The following TECPR1 variants were observed in gnomAD, a reference collection of about 807,000 sequenced individuals.
The protein encoded by TECPR1 is tectonin beta-propeller repeat-containing protein 1.
Under a neutral mutation model 162.4 loss-of-function variants are expected in TECPR1, and 122 were observed. The observed-to-expected ratio is 0.75, with a 90% CI of 0.65 to 0.87. The LOEUF (loss-of-function observed/expected upper bound fraction) is 0.87, where lower values mean the gene tolerates loss of function less well. Among genes scored for constraint, TECPR1 ranks in the 40% least tolerant of loss-of-function variants. TECPR1 has a pLI of 0.00. For missense variants in TECPR1, 1,432 were observed against 1,618.2 expected (o/e 0.88, Z 1.97); for synonymous variants, 642 against 670.6 (o/e 0.96, Z 0.66).
chr7:98,217,416 C>T lies in TECPR1; in HGVS notation c.3472G>A (p.Glu1158Lys), dbSNP rs747239497. The T allele has an allele frequency of 1.2e-6, 2 of 1,604,190 alleles. No individual in the cohort carries two copies. The highest frequency in any genetic ancestry group is 1.7e-6 in the Non-Finnish European group (2 of 1,175,586). Residue 1158 changes from glutamate to lysine, a missense_variant, in exon 26 of 26, where the codon GAG (glutamate) becomes AAG (lysine). By Grantham distance (56) the Glu-to-Lys change is moderately conservative (BLOSUM62 1). Coordinates refer to ENST00000447648, the MANE Select transcript of TECPR1 (RefSeq NM_015395.3). ...SQEQEPSAPPEAHGPVCC is the reference protein window; with the variant it reads ...SQEQEPSAPPKAHGPVCC Reference sequence around the variant, plus strand: ...CAGCAGCAGACGGGGCCATGGGCCTCTGGTGGGGCACTCGGCTCCTGCTCC... The same window carrying T: ...CAGCAGCAGACGGGGCCATGGGCCTTTGGTGGGGCACTCGGCTCCTGCTCC...
chr7:98,240,005 A>T (rs1033759313), intron 8 of TECPR1, among the ~76,000 whole-genome samples: 1 of 152,006 alleles, frequency 6.6e-6, no homozygotes, highest in Non-Finnish European at 1.5e-5. Flanking sequence ...GCTACGAGGG[A>T]GGCTGAGGCA....
At chr7:98,248,281 G>A (rs1486898210) in intron 2 of TECPR1, among the ~76,000 whole-genome samples, 1 of 152,168 alleles carries the variant, frequency 6.6e-6, no homozygotes, top group Non-Finnish European at 1.5e-5. Context: ...GCCCGACAGG[G>A]CGGCTCCTAG....
intron 15 of TECPR1, 33 bp from the exon 16 acceptor site, chr7:98,229,199 C>G (rs1384326795): frequency 2.6e-6 from 4 of 1,542,410 alleles, no homozygotes. Flanking sequence ...GTGGAAACCC[C>G]TCAGACCCCA....
chr7:98,223,333 C>T (rs56023056), intron 20 of TECPR1, among the ~76,000 whole-genome samples, 163 bp from the exon 21 acceptor site: 1,846 of 139,740 alleles, frequency 0.013, 12 homozygotes, highest in Non-Finnish European at 0.022. Flanking sequence ...CATCCAGGCC[C>T]AGCCAGGCCC....
At position 98,232,036 on chromosome 7, in the gene TECPR1, C is replaced by T; in HGVS notation, c.1819-77G>A. ...GGGAGGAGGGCGGGGCTGGGGGTGC[C>T]CAGAGGAGGAGGCAGGGCTGGGGTA... is the stretch of plus-strand genomic sequence containing the variant. On this transcript the variant is annotated intron_variant, in intron 12 of 25. Transcript: ENST00000447648. The surrounding 1 kb of genome is among the most constrained non-coding windows in gnomAD (Gnocchi z 4.6). 1 of 1,493,486 alleles carries T rather than the reference C, an allele frequency of 6.7e-7. No homozygotes were observed. Among genetic ancestry groups the T allele is most frequent in the Non-Finnish European group, 9.0e-7 (1 of 1,113,310 alleles). 92.5% of individuals were successfully genotyped at this position (1,493,486 alleles called of 1,614,324 possible). A position where few individuals can be genotyped will look rare whatever the true frequency, so the allele number is the denominator to read the frequency against.
intron 2 of TECPR1, 22 bp from the exon 3 acceptor site, chr7:98,246,187 C>A: frequency 6.7e-7 from 1 of 1,497,184 alleles, no homozygotes; most frequent in Non-Finnish European, 9.1e-7. Flanking sequence ...GGACGAGGGC[C>A]AGCGTTCAGG....
In TECPR1 at chr7:98,229,183, G is replaced by C; in HGVS notation, c.2283-17C>G. 6.4e-7 allele frequency: 1 copy of C among 1,552,352 alleles called. No individual in the cohort carries two copies. Among genetic ancestry groups the C allele is most frequent in the African/African-American group, 1.4e-5 (1 of 73,230 alleles). Reference sequence around the variant, plus strand: ...CGCCAAAACCTGGAAGGATGGGAGAGGGCAGGTGGAAACCCCTCAGACCCC... The same window carrying C: ...CGCCAAAACCTGGAAGGATGGGAGACGGCAGGTGGAAACCCCTCAGACCCC... On this transcript the variant is annotated splice_polypyrimidine_tract_variant and intron_variant, in intron 15 of 25. Transcript: ENST00000447648.
At position 98,227,553 on chromosome 7, in the gene TECPR1, G is replaced by C. The variant is rs147402674; in HGVS notation, c.2513+461C>G. Among the ~76,000 whole-genome samples the C allele has an allele frequency of 2.8e-3, 420 of 152,124 alleles. 2 individuals carry two copies. Among genetic ancestry groups the C allele is most frequent in the Middle Eastern group, 6.8e-3 (2 of 294 alleles). On this transcript the variant is annotated intron_variant, in intron 17 of 25. Transcript: ENST00000447648. ...TAGAGACTTCTGACCGGGCGTGGTG[G>C]CTCATGCCTGTAACCCCAGCACTTT... is the stretch of plus-strand genomic sequence containing the variant.
rs1227016000 is a variant in TECPR1 at position 98,215,146 on chromosome 7, C to T, written c.*2244G>A. The T allele has an allele frequency of 6.6e-6, 1 of 152,282 alleles. No individual in the cohort carries two copies. The highest frequency in any genetic ancestry group is 6.5e-5 in the Admixed American group (1 of 15,294). 9.4% of individuals were successfully genotyped at this position (152,282 alleles called of 1,614,324 possible). On this transcript the variant is annotated 3_prime_UTR_variant, in exon 26 of 26. Coordinates refer to ENST00000447648, the MANE Select transcript of TECPR1 (RefSeq NM_015395.3). ...TCAGAGACCCACCCACATGCCGTTC[C>T]TGGGCTACGCCACGCGCCATCCCCC...
At position 98,223,726 on chromosome 7, in the gene TECPR1, G is replaced by A; in HGVS notation, c.2691-8C>T. On this transcript the variant is annotated splice_polypyrimidine_tract_variant and splice_region_variant and intron_variant, in intron 19 of 25. Coordinates refer to ENST00000447648, the MANE Select transcript of TECPR1 (RefSeq NM_015395.3). Reference sequence around the variant, plus strand: ...TTGGACCCATGGTATGAGCTGCAAGGAGGAAGAAGATGAAATCAGGGCCAC... The same window carrying A: ...TTGGACCCATGGTATGAGCTGCAAGAAGGAAGAAGATGAAATCAGGGCCAC... 1 of 1,613,700 alleles carries A rather than the reference G, an allele frequency of 6.2e-7. No homozygotes were observed. Among genetic ancestry groups the A allele is most frequent in the Non-Finnish European group, 8.5e-7 (1 of 1,179,738 alleles).
chr7:98,227,068 A>G (rs1798294783), intron 17 of TECPR1, among the ~76,000 whole-genome samples: 1 of 152,168 alleles, frequency 6.6e-6, no homozygotes, highest in South Asian at 2.1e-4. Flanking sequence ...AATATGAAAT[A>G]CCGTCTAATA....
At chr7:98,236,672 C>T in intron 10 of TECPR1, 104 bp downstream of exon 10, 1 of 1,458,342 alleles carries the variant, frequency 6.9e-7, no homozygotes, top group Non-Finnish European at 9.2e-7. Flanking sequence ...GGGACAAGTC[C>T]TGGGACCCAG....
rs1441541708 is a variant in TECPR1, at chr7:98,224,833, C to G, written c.2658G>C (p.Gln886His). Residue 886 changes from glutamine (Q) to histidine (H), a missense_variant, in exon 19 of 26, where the codon CAG becomes CAC. Transcript: ENST00000447648. Reference protein sequence around the residue: ...VDFSVPGGTDQEGWQYASDFP... With the variant: ...VDFSVPGGTDHEGWQYASDFP... ...AGTCGCTGGCATACTGCCACCCCTC[C>G]TGGTCCGTGCCCCCCGGAACGCTGA... The G allele has an allele frequency of 6.3e-7, 1 of 1,580,748 alleles. No homozygotes were observed. The highest frequency in any genetic ancestry group is 1.2e-5 in the South Asian group (1 of 86,272).
rs951401792 is a variant in TECPR1, at chr7:98,233,625, T to A, written c.1468A>T (p.Ile490Phe). The A allele has an allele frequency of 1.9e-6, 3 of 1,588,256 alleles. No homozygotes were observed. In the Admixed American group the frequency reaches 5.3e-5, roughly 28 times the overall value. Residue 490 changes from isoleucine to phenylalanine, a missense_variant, in exon 11 of 26, where the codon ATT becomes TTT. Coordinates refer to ENST00000447648, the MANE Select transcript of TECPR1 (RefSeq NM_015395.3). Reference sequence around the variant, plus strand: ...ACTTTCTTGGCCTCCTTGAGGTCAATATTGGTCCAGGGCAGCTCGGCCGGG... The same window carrying A: ...ACTTTCTTGGCCTCCTTGAGGTCAAAATTGGTCCAGGGCAGCTCGGCCGGG... ...PTPAELPWTNIDLKEAKKVPS... is the reference protein window; with the variant it reads ...PTPAELPWTNFDLKEAKKVPS...
intron 19 of TECPR1, among the ~76,000 whole-genome samples, 184 bp from the exon 20 acceptor site, chr7:98,223,902 G>A (rs767760796): frequency 3.3e-5 from 5 of 152,196 alleles, no homozygotes; most frequent in East Asian, 1.9e-4. Context: ...TGGCTGCCCC[G>A]GCAGGATCAG....
chr7:98,222,282 G>A (rs1407520203), intron 22 of TECPR1, 104 bp downstream of exon 22: 7 of 1,446,746 alleles, frequency 4.8e-6, no homozygotes, highest in East Asian at 4.9e-5. Flanking sequence ...ACTTCTGGGG[G>A]AAGTCCCAGC....
intron 23 of TECPR1, among the ~76,000 whole-genome samples, chr7:98,219,340 C>G (rs971262460): frequency 6.6e-6 from 1 of 152,142 alleles, no homozygotes; most frequent in Non-Finnish European, 1.5e-5. Flanking sequence ...CAAAGGATTT[C>G]TGACTAAGAT....
chr7:98,228,660 G>A (rs1026071296), intron 16 of TECPR1: 42 of 218,064 alleles, frequency 1.9e-4, no homozygotes, highest in Non-Finnish European at 6.5e-5. Flanking sequence ...GGAACGCCCC[G>A]TTTCAGTGTC....
intron 11 of TECPR1, 44 bp from the exon 12 acceptor site, chr7:98,233,016 C>G: frequency 3.2e-6 from 5 of 1,547,860 alleles, no homozygotes; most frequent in Non-Finnish European, 4.4e-6. Context: ...CTGTCCTGCC[C>G]GCAGCTGGGC....
Sources: allele counts gnomAD v4.1 joint callset (sites outside exome capture counted in the v4.1 genomes callset), GRCh38; gene constraint gnomAD v4.1.1; non-coding constraint Gnocchi (gnomAD v3.1); transcripts MANE v1.5; gene names NCBI Gene and HGNC (gene_info 2026-07-23, HGNC 2026-07-21).